EYA4: variants seen among roughly 807,000 people sequenced by gnomAD.
EYA4 encodes protein phosphatase EYA4.
A neutral mutation model predicts 87.9 loss-of-function variants in EYA4; 31 were observed. The ratio of observed to expected loss-of-function variants is 0.35; its 90% CI spans 0.27 to 0.48. EYA4 has a LOEUF of 0.48. Among genes scored for constraint, EYA4 ranks in the 20% least tolerant of loss-of-function variants. The pLI is 0.99. For synonymous variants in EYA4, 263 were observed against 270.6 expected (o/e 0.97, Z 0.28); for missense variants, 678 against 761.4 (o/e 0.89, Z 1.29).
chr6:133,348,723 C>G (rs1423359894), intron 2 of EYA4, among the ~76,000 whole-genome samples: 1 of 152,068 alleles, frequency 6.6e-6, no homozygotes, highest in African/African-American at 2.4e-5. Context: ...TGGCTCTACC[C>G]TTAAAATATA....
At chr6:133,300,563 G>A (rs1430825057) in intron 2 of EYA4, among the ~76,000 whole-genome samples, 2 of 152,052 alleles carry the variant, frequency 1.3e-5, no homozygotes, top group East Asian at 3.9e-4. Context: ...TCACCAGGCT[G>A]GAGTGCAGTG....
Position 133,363,688 on chromosome 6 carries a change from G to A in EYA4, c.34-18704G>A, listed in dbSNP as rs535058587. Among the ~76,000 whole-genome samples, 478 of 152,142 alleles carry A rather than the reference G, an allele frequency of 3.1e-3. 3 individuals carry two copies. Among genetic ancestry groups the A allele is most frequent in the African/African-American group, 0.011 (447 of 41,512 alleles). On this transcript the variant is annotated intron_variant, in intron 2 of 19. Coordinates refer to ENST00000355286, the MANE Select transcript of EYA4 (RefSeq NM_004100.5). ...GACAGGGTTTCACTGTGTTAGCCAG[G>A]ATGGTCTGGATCTTCTGACCTCATG... is the stretch of plus-strand genomic sequence containing the variant.
At chr6:133,420,047 A>G (rs9493619) in intron 3 of EYA4, among the ~76,000 whole-genome samples, 4,674 of 152,226 alleles carry the variant, frequency 0.031, 223 homozygotes, top group African/African-American at 0.1. Flanking sequence ...CCATAGAGGA[A>G]AAGCTGTAGG....
chr6:133,475,757 A>T (rs1282560061), intron 11 of EYA4, among the ~76,000 whole-genome samples: 3 of 151,954 alleles, frequency 2.0e-5, no homozygotes, highest in Non-Finnish European at 4.4e-5. Flanking sequence ...TTCTTCTTTT[A>T]AAAAAAAGTG....
chr6:133,454,988 G>A (rs943808471), intron 5 of EYA4, among the ~76,000 whole-genome samples: 5 of 152,034 alleles, frequency 3.3e-5, no homozygotes, highest in African/African-American at 1.2e-4. Context: ...AACTTATGCA[G>A]GCTTTTCAGC....
At chr6:133,492,159 A>G (rs1000543394) in intron 13 of EYA4, among the ~76,000 whole-genome samples, 8 of 152,170 alleles carry the variant, frequency 5.3e-5, no homozygotes, top group African/African-American at 1.7e-4. Flanking sequence ...CATTAAAGAA[A>G]GAAAGCTACA....
chr6:133,280,606 C>T (rs1053934973), intron 2 of EYA4, among the ~76,000 whole-genome samples: 3 of 152,028 alleles, frequency 2.0e-5, no homozygotes, highest in African/African-American at 7.2e-5. Flanking sequence ...CCCTGTTAGC[C>T]AGGATGGTCT....
intron 4 of EYA4, among the ~76,000 whole-genome samples, chr6:133,447,592 T>A (rs1792979813): frequency 6.6e-6 from 1 of 152,186 alleles, no homozygotes; most frequent in South Asian, 2.1e-4. Context: ...CTTTTAAATT[T>A]TAAATAAATA....
At chr6:133,268,675 A>AG (rs1582798595) in intron 1 of EYA4, among the ~76,000 whole-genome samples, 1 of 152,158 alleles carries the variant, frequency 6.6e-6, no homozygotes, top group East Asian at 1.9e-4. Flanking sequence ...TACTTGGGCC[A>AG]GGGGACAGTT....
rs1305000119 is a variant in EYA4, at chr6:133,513,005, G to A, written c.1468G>A (p.Glu490Lys). Residue 490 changes from glutamate (E) to lysine (K), a missense_variant, in exon 16 of 20, where the codon GAA becomes AAA. Glu to Lys is a moderately conservative substitution (Grantham distance 56). Transcript: ENST00000355286. ...GGCTTTTCGTTACAGAAGAGTAAAA[G>A]AATTATATAACACCTACAAGAACAA... ...KLAFRYRRVKELYNTYKNNVG... is the reference protein window; with the variant it reads ...KLAFRYRRVKKLYNTYKNNVG... 2 of 1,614,070 alleles carry A rather than the reference G, an allele frequency of 1.2e-6. No individual in the cohort carries two copies. Among genetic ancestry groups the A allele is most frequent in the Admixed American group, 1.7e-5 (1 of 60,022 alleles).
chr6:133,376,917 G>A (rs1170491387), intron 2 of EYA4, among the ~76,000 whole-genome samples: 1 of 151,978 alleles, frequency 6.6e-6, no homozygotes, highest in Admixed American at 6.6e-5. Flanking sequence ...GAGATGCATA[G>A]TGTTGTGTAA....
intron 13 of EYA4, among the ~76,000 whole-genome samples, chr6:133,483,825 A>G (rs562803513): frequency 1.1e-4 from 17 of 151,618 alleles, no homozygotes; most frequent in African/African-American, 3.4e-4. Flanking sequence ...CCGTGCTCAA[A>G]TGATCCACCT....
At chr6:133,275,546 C>CT (rs369470483) in intron 2 of EYA4, among the ~76,000 whole-genome samples, 6,221 of 142,142 alleles carry the variant, frequency 0.044, 203 homozygotes, top group African/African-American at 0.087. Context: ...GATGCTGTTC[C>CT]TTTTTTTTTT....
intron 2 of EYA4, among the ~76,000 whole-genome samples, chr6:133,344,184 C>T (rs947378341): frequency 6.6e-6 from 1 of 152,144 alleles, no homozygotes; most frequent in African/African-American, 2.4e-5. Flanking sequence ...TATGCCAAGT[C>T]GCATTGGACT....
At chr6:133,249,018 C>T (rs1438588022) in intron 1 of EYA4, among the ~76,000 whole-genome samples, 2 of 152,012 alleles carry the variant, frequency 1.3e-5, no homozygotes, top group Non-Finnish European at 2.9e-5. Context: ...AGGTTTCGTT[C>T]ATGAAAATGG....
chr6:133,369,955 A>G (rs1327846381), intron 2 of EYA4, among the ~76,000 whole-genome samples: 1 of 152,098 alleles, frequency 6.6e-6, no homozygotes, highest in Non-Finnish European at 1.5e-5. Context: ...CTCTGACATC[A>G]AGTCATCTTA....
At chr6:133,479,402 T>C (rs1252014843) in intron 11 of EYA4, among the ~76,000 whole-genome samples, 1 of 152,176 alleles carries the variant, frequency 6.6e-6, no homozygotes, top group East Asian at 1.9e-4. Context: ...CAAATAATAT[T>C]TGGAGCACAG....
chr6:133,300,623 C>G (rs1158044308), intron 2 of EYA4, among the ~76,000 whole-genome samples: 1 of 151,970 alleles, frequency 6.6e-6, no homozygotes, highest in Non-Finnish European at 1.5e-5. Context: ...CAAGCAACTC[C>G]CCTGCCTCAG....
At chr6:133,424,985 TCTTC>T (rs1477376131) in intron 3 of EYA4, among the ~76,000 whole-genome samples, 2 of 150,734 alleles carry the variant, frequency 1.3e-5, no homozygotes, top group Non-Finnish European at 2.9e-5. Flanking sequence ...CAACCATGGA[TCTTC>T]CTTGATAGTT....
Sources: allele counts gnomAD v4.1 joint callset (sites outside exome capture counted in the v4.1 genomes callset), GRCh38; gene constraint gnomAD v4.1.1; transcripts MANE v1.5; gene names NCBI Gene and HGNC (gene_info 2026-07-23, HGNC 2026-07-21).